DPP10: variants seen among roughly 807,000 people sequenced by gnomAD.
The protein encoded by DPP10 is inactive dipeptidyl peptidase 10.
Under a neutral mutation model 120.9 loss-of-function variants are expected in DPP10, and 33 were observed. The ratio of observed to expected loss-of-function variants is 0.27; its 90% confidence interval spans 0.21 to 0.37. The LOEUF (loss-of-function observed/expected upper bound fraction) is 0.37, where lower values mean the gene tolerates loss of function less well. DPP10 is among the 10% of genes least tolerant of loss of function. The pLI is 1.00. For synonymous variants in DPP10, 337 were observed against 326.1 expected (o/e 1.03, Z -0.36); for missense variants, 816 against 942.8 (o/e 0.87, Z 1.76).
chr2:114,863,404 G>A (rs1191566297), intron 1 of DPP10, among the ~76,000 whole-genome samples: 2 of 152,126 alleles, frequency 1.3e-5, no homozygotes, highest in East Asian at 1.9e-4. Flanking sequence ...GGTGGGACTG[G>A]TGAGATGAAG....
At chr2:115,342,458 C>T (rs557787343) in intron 2 of DPP10, among the ~76,000 whole-genome samples, 133 of 152,232 alleles carry the variant, frequency 8.7e-4, no homozygotes, top group African/African-American at 3.1e-4. Flanking sequence ...AAGTGATCCA[C>T]CCGCCTTGGC....
At chr2:114,723,855 A>G (rs766594609) in intron 1 of DPP10, among the ~76,000 whole-genome samples, 3 of 152,200 alleles carry the variant, frequency 2.0e-5, no homozygotes, top group African/African-American at 7.2e-5. Context: ...TAAATTGTTA[A>G]TGACTAAATC....
intron 5 of DPP10, among the ~76,000 whole-genome samples, chr2:115,679,227 G>A (rs1174240976): frequency 6.6e-6 from 1 of 151,868 alleles, no homozygotes; most frequent in Non-Finnish European, 1.5e-5. Context: ...GATATGATTT[G>A]GCTGTGTCCC....
intron 1 of DPP10, among the ~76,000 whole-genome samples, chr2:115,131,417 G>GT (rs1416369738): frequency 1.3e-5 from 2 of 152,098 alleles, no homozygotes; most frequent in African/African-American, 2.4e-5. Context: ...GGAGGCTGAG[G>GT]TAGGAGGATT....
chr2:115,545,322 C>T (rs748585693), intron 5 of DPP10, among the ~76,000 whole-genome samples: 1 of 152,044 alleles, frequency 6.6e-6, no homozygotes, highest in Non-Finnish European at 1.5e-5. Flanking sequence ...AGGTAATAGA[C>T]ATAAAAATAG....
intron 1 of DPP10, among the ~76,000 whole-genome samples, chr2:114,900,394 C>T (rs1178567230): frequency 6.6e-6 from 1 of 152,108 alleles, no homozygotes; most frequent in Non-Finnish European, 1.5e-5. Flanking sequence ...CCTTCCTTAC[C>T]AATGCATGAG....
intron 7 of DPP10, among the ~76,000 whole-genome samples, chr2:115,724,242 G>A (rs1374115583): frequency 6.6e-6 from 1 of 152,168 alleles, no homozygotes; most frequent in East Asian, 1.9e-4. Context: ...ATCACAAGTT[G>A]TATGTCAGTG....
At chr2:115,552,453 T>C (rs2079934752) in intron 5 of DPP10, among the ~76,000 whole-genome samples, 1 of 152,094 alleles carries the variant, frequency 6.6e-6, no homozygotes, top group African/African-American at 2.4e-5. Context: ...TCACACGGAA[T>C]TATTATCAAA....
At chr2:115,441,817 C>CTTTTTTTTT (rs561102084) in intron 3 of DPP10, among the ~76,000 whole-genome samples, 13 of 124,468 alleles carry the variant, frequency 1.0e-4, no homozygotes, top group African/African-American at 2.8e-4. Flanking sequence ...TTCTTTCTTT[C>CTTTTTTTTT]TTTTTTTTTT....
At chr2:115,782,435 G>A in intron 17 of DPP10, 36 bp downstream of exon 17, 1 of 1,568,016 alleles carries the variant, frequency 6.4e-7, no homozygotes, top group Non-Finnish European at 8.8e-7. Context: ...AATAGTTATG[G>A]TTGGCATTAG....
intron 1 of DPP10, among the ~76,000 whole-genome samples, chr2:115,275,349 CAAAT>C (rs764592524): frequency 7.6e-4 from 116 of 152,284 alleles, no homozygotes; most frequent in Non-Finnish European, 1.4e-3. Context: ...TGCACATACT[CAAAT>C]AAATATTTAC....
intron 1 of DPP10, among the ~76,000 whole-genome samples, chr2:114,620,850 A>G (rs1394231944): frequency 1.3e-5 from 2 of 152,136 alleles, no homozygotes; most frequent in Admixed American, 6.6e-5. Flanking sequence ...TTATCCTAAG[A>G]TATCTGTGTA....
intron 1 of DPP10, among the ~76,000 whole-genome samples, chr2:115,198,231 T>A (rs952553375): frequency 6.6e-6 from 1 of 152,150 alleles, no homozygotes; most frequent in African/African-American, 2.4e-5. Flanking sequence ...CTCCAGTGAT[T>A]CCCCAGCTCG....
chr2:114,464,367 A>G (rs771512082), intron 1 of DPP10, among the ~76,000 whole-genome samples: 2 of 152,130 alleles, frequency 1.3e-5, no homozygotes, highest in Non-Finnish European at 2.9e-5. Context: ...ATCTCTTTAT[A>G]TACTTATTTG....
intron 1 of DPP10, among the ~76,000 whole-genome samples, chr2:114,962,140 G>A (rs995061829): frequency 5.9e-5 from 9 of 151,856 alleles, no homozygotes; most frequent in African/African-American, 2.2e-4. Flanking sequence ...CTTCATCATC[G>A]TAAGTATGTG....
chr2:115,248,558 T>A lies in DPP10; in HGVS notation c.61-60681T>A, dbSNP rs11123291. On this transcript the variant is annotated intron_variant, in intron 1 of 25. Transcript: ENST00000410059. ...AGTTATTACAGAGGGAATTGTGTTA[T>A]ACAGAGGGAATAAGTTATACAGAGG... Among the ~76,000 whole-genome samples the A allele has an allele frequency of 4.6e-5, 7 of 151,824 alleles. No individual in the cohort carries two copies. The East Asian group carries it at 1.4e-3, about 29-fold the overall frequency.
At chr2:115,285,582 C>CT (rs2060331735) in intron 1 of DPP10, among the ~76,000 whole-genome samples, 2 of 152,018 alleles carry the variant, frequency 1.3e-5, no homozygotes, top group East Asian at 3.9e-4. Context: ...AGCATGTAAG[C>CT]AGTACCACAC....
chr2:115,196,823 C>T (rs2055313214), intron 1 of DPP10, among the ~76,000 whole-genome samples: 1 of 152,090 alleles, frequency 6.6e-6, no homozygotes, highest in African/African-American at 2.4e-5. Flanking sequence ...AGCTAACTGT[C>T]CTGAAGAAGC....
At chr2:114,900,102 C>A (rs1338082978) in intron 1 of DPP10, among the ~76,000 whole-genome samples, 2 of 152,142 alleles carry the variant, frequency 1.3e-5, no homozygotes, top group Non-Finnish European at 2.9e-5. Flanking sequence ...TGGGTTATTT[C>A]CAATTTGGGA....
Sources: allele counts gnomAD v4.1 joint callset (sites outside exome capture counted in the v4.1 genomes callset), GRCh38; gene constraint gnomAD v4.1.1; transcripts MANE v1.5; gene names NCBI Gene and HGNC (gene_info 2026-07-23, HGNC 2026-07-21).